Variants in RNGTT observed in about 807,000 individuals in gnomAD.
RNGTT encodes the protein mRNA-capping enzyme.
RNGTT carries 33 observed loss-of-function variants against 79.3 expected under a neutral mutation model. That is an observed-to-expected ratio of 0.42 (90% CI 0.32 to 0.56). The LOEUF (loss-of-function observed/expected upper bound fraction) is 0.56, where lower values mean the gene tolerates loss of function less well. Ranked by LOEUF, RNGTT falls within the 20% of genes least tolerant of loss-of-function variation. RNGTT has a pLI of 0.17. For synonymous variants in RNGTT, 222 were observed against 235.9 expected (o/e 0.94, Z 0.54); for missense variants, 497 against 739.1 (o/e 0.67, Z 3.80).
In RNGTT at chr6:88,844,255, C is replaced by T. The variant is rs574081460; in HGVS notation, c.1269+102G>A. On this transcript the variant is annotated intron_variant, in intron 11 of 15. Transcript: ENST00000369485. Reference sequence around the variant, plus strand: ...TATACCCAATTCGAGTATTTTCTGACAAAGTCAAGACAACTGGGCAGCAAA... The same window carrying T: ...TATACCCAATTCGAGTATTTTCTGATAAAGTCAAGACAACTGGGCAGCAAA... The T allele has an allele frequency of 1.8e-4, 208 of 1,135,426 alleles. No individual in the cohort carries two copies. In the African/African-American group the frequency reaches 2.9e-3, roughly 16 times the overall value. 70.3% of individuals were successfully genotyped at this position (1,135,426 alleles called of 1,614,324 possible).
chr6:88,885,525 T>G (rs1480915385), intron 8 of RNGTT, among the ~76,000 whole-genome samples: 1 of 152,170 alleles, frequency 6.6e-6, no homozygotes, highest in East Asian at 1.9e-4. Context: ...GGAAAGTTCT[T>G]CCTAAGAGCT....
At chr6:88,785,354 T>C (rs974885749) in intron 12 of RNGTT, among the ~76,000 whole-genome samples, 1 of 152,128 alleles carries the variant, frequency 6.6e-6, no homozygotes, top group African/African-American at 2.4e-5. Flanking sequence ...ATTATGCATC[T>C]GTAGCTGTTT....
chr6:88,674,139 C>A (rs570234990), intron 14 of RNGTT, among the ~76,000 whole-genome samples: 34 of 152,286 alleles, frequency 2.2e-4, no homozygotes, highest in African/African-American at 7.2e-4. Flanking sequence ...TTCCATAATT[C>A]AAGATCCTAA....
intron 1 of RNGTT, among the ~76,000 whole-genome samples, chr6:88,949,174 A>G (rs374120755): frequency 1.3e-4 from 19 of 140,974 alleles, no homozygotes; most frequent in South Asian, 4.2e-4. Flanking sequence ...AAAAAAAAAA[A>G]AAAAGAAAAT....
chr6:88,721,785 T>G (rs1205529733), intron 13 of RNGTT, among the ~76,000 whole-genome samples: 1 of 152,138 alleles, frequency 6.6e-6, no homozygotes, highest in East Asian at 1.9e-4. Context: ...CTAGTCTGCC[T>G]GGACATACCT....
intron 7 of RNGTT, among the ~76,000 whole-genome samples, chr6:88,891,486 C>T (rs1010139053): frequency 6.6e-6 from 1 of 152,080 alleles, no homozygotes; most frequent in Admixed American, 6.5e-5. Flanking sequence ...TGAGGCAGAT[C>T]CAAATTTCAC....
chr6:88,771,338 TATATATATATATACAC>T (rs1277212267), intron 12 of RNGTT, among the ~76,000 whole-genome samples: 9 of 127,202 alleles, frequency 7.1e-5, no homozygotes, highest in African/African-American at 2.9e-4. Context: ...TATATATATA[TATATATATATATACAC>T]ACACACACAC....
chr6:88,919,983 C>T (rs930515200), intron 4 of RNGTT, among the ~76,000 whole-genome samples: 8 of 152,110 alleles, frequency 5.3e-5, no homozygotes, highest in African/African-American at 1.4e-4. Flanking sequence ...GCCACTGCAC[C>T]GAGGATTCAG....
intron 14 of RNGTT, among the ~76,000 whole-genome samples, chr6:88,675,803 A>C (rs903729883): frequency 4.6e-5 from 7 of 152,306 alleles, no homozygotes; most frequent in African/African-American, 1.4e-4. Context: ...GAGTAAAAAA[A>C]AATTTAAAAG....
intron 11 of RNGTT, among the ~76,000 whole-genome samples, chr6:88,818,314 G>A (rs1780390149): frequency 6.6e-6 from 1 of 152,044 alleles, no homozygotes; most frequent in South Asian, 2.1e-4. Context: ...TGGGCGCGGT[G>A]GCTCATGCCT....
chr6:88,672,535 G>A (rs1032637661), intron 14 of RNGTT, among the ~76,000 whole-genome samples: 3 of 152,036 alleles, frequency 2.0e-5, no homozygotes, highest in African/African-American at 7.2e-5. Flanking sequence ...ATGATATAAT[G>A]GACTCTGGGG....
rs62428981 is a variant in RNGTT, at chr6:88,861,593, G to T, written c.897-7829C>A. On this transcript the variant is annotated intron_variant, in intron 8 of 15. Transcript: ENST00000369485. Reference sequence around the variant, plus strand: ...TTACAACTTTTTAAAAAGAAAAAACGTATTTCTCCTTCTCACCTCCTTTAA... The same window carrying T: ...TTACAACTTTTTAAAAAGAAAAAACTTATTTCTCCTTCTCACCTCCTTTAA... Among the ~76,000 whole-genome samples the T allele has an allele frequency of 4.4e-3, 666 of 151,980 alleles. 4 individuals carry two copies. The highest frequency in any genetic ancestry group is 0.015 in the African/African-American group (610 of 41,458).
chr6:88,636,959 C>T (rs1232257746), intron 14 of RNGTT, among the ~76,000 whole-genome samples: 3 of 151,938 alleles, frequency 2.0e-5, no homozygotes, highest in Non-Finnish European at 2.9e-5. Context: ...GAATCAGATG[C>T]TTTTGATAAA....
At chr6:88,784,983 T>C (rs761714120) in intron 12 of RNGTT, among the ~76,000 whole-genome samples, 2 of 152,154 alleles carry the variant, frequency 1.3e-5, no homozygotes, top group South Asian at 2.1e-4. Flanking sequence ...TTTTCTTCTA[T>C]GTATTTTTTA....
chr6:88,659,739 G>C (rs539157519), intron 14 of RNGTT, among the ~76,000 whole-genome samples: 1 of 152,288 alleles, frequency 6.6e-6, no homozygotes, highest in South Asian at 2.1e-4. Flanking sequence ...TGAGGGAATA[G>C]TCAATAAAAA....
intron 8 of RNGTT, among the ~76,000 whole-genome samples, chr6:88,890,115 T>C (rs547687711): frequency 6.3e-4 from 95 of 151,868 alleles, no homozygotes; most frequent in African/African-American, 2.2e-3. Context: ...TCAGAGAGAG[T>C]TCATCATTTT....
chr6:88,856,188 T>C (rs1376652192), intron 8 of RNGTT, among the ~76,000 whole-genome samples: 1 of 152,218 alleles, frequency 6.6e-6, no homozygotes, highest in African/African-American at 2.4e-5. Context: ...AATCCTGATA[T>C]CTGTTAAAAT....
At chr6:88,763,699 T>A (rs955308305) in intron 13 of RNGTT, among the ~76,000 whole-genome samples, 8 of 152,120 alleles carry the variant, frequency 5.3e-5, no homozygotes, top group Non-Finnish European at 1.0e-4. Context: ...ACAGAAGACA[T>A]AAAACCCACA....
At chr6:88,815,988 C>A (rs1028827521) in intron 11 of RNGTT, among the ~76,000 whole-genome samples, 2 of 151,880 alleles carry the variant, frequency 1.3e-5, no homozygotes, top group Non-Finnish European at 2.9e-5. Flanking sequence ...TAAGCTAGGA[C>A]AGAAAGAGAA....
Sources: allele counts gnomAD v4.1 joint callset (sites outside exome capture counted in the v4.1 genomes callset), GRCh38; gene constraint gnomAD v4.1.1; transcripts MANE v1.5; gene names NCBI Gene and HGNC (gene_info 2026-07-23, HGNC 2026-07-21).